MGAT4C: variants seen among roughly 807,000 people sequenced by gnomAD.
The protein encoded by MGAT4C is MGAT4 family member C.
A neutral mutation model predicts 40.1 loss-of-function variants in MGAT4C; 19 were observed. That is an observed-to-expected ratio of 0.47 (90% CI 0.33 to 0.70). MGAT4C has a LOEUF of 0.70. Among genes scored for constraint, MGAT4C ranks in the 30% least tolerant of loss-of-function variants. The pLI is 0.02. For missense variants in MGAT4C, 491 were observed against 563.2 expected (o/e 0.87, Z 1.30); for synonymous variants, 181 against 187.1 (o/e 0.97, Z 0.27).
At chr12:86,282,850 C>A (rs1254378448) in intron 4 of MGAT4C, among the ~76,000 whole-genome samples, 1 of 152,014 alleles carries the variant, frequency 6.6e-6, no homozygotes, top group South Asian at 2.1e-4. Flanking sequence ...TTCTATATTG[C>A]ATATCTTTTC....
intron 2 of MGAT4C, among the ~76,000 whole-genome samples, chr12:86,034,081 C>T (rs1002782236): frequency 1.3e-5 from 2 of 149,680 alleles, no homozygotes. Context: ...GTTGAACCAG[C>T]CTTGCATCCC....
intron 1 of MGAT4C, among the ~76,000 whole-genome samples, chr12:86,132,810 A>G (rs980868401): frequency 1.8e-4 from 27 of 151,672 alleles, no homozygotes; most frequent in African/African-American, 2.2e-4. Context: ...AAAAAAAAAA[A>G]AAAGAAAAAA....
rs375817716 is a variant in MGAT4C at position 86,824,616 on chromosome 12, T to C, written c.-262+14050A>G. ...GACTTGAATCTGCATCTTGAAAAGA[T>C]GGTGTCATGTCCCAGAGGAAAAAAA... On this transcript the variant is annotated intron_variant, in intron 1 of 7. Transcript: ENST00000548651. Among the ~76,000 whole-genome samples the C allele has an allele frequency of 7.3e-5, 11 of 150,822 alleles. No homozygotes were observed. In the East Asian group the frequency reaches 1.6e-3, roughly 22 times the overall value.
intron 1 of MGAT4C, among the ~76,000 whole-genome samples, chr12:86,132,559 C>T (rs1881349555): frequency 6.6e-6 from 1 of 151,974 alleles, no homozygotes; most frequent in African/African-American, 2.4e-5. Context: ...TTTGGGATGC[C>T]AAGGAGGGCA....
chr12:86,176,860 A>T (rs946831597), intron 1 of MGAT4C, among the ~76,000 whole-genome samples: 1 of 147,900 alleles, frequency 6.8e-6, no homozygotes, highest in African/African-American at 2.5e-5. Context: ...GTAAGAAGAG[A>T]TCATATTTCT....
At chr12:86,663,117 C>G (rs1052477762) in intron 2 of MGAT4C, among the ~76,000 whole-genome samples, 2 of 151,910 alleles carry the variant, frequency 1.3e-5, no homozygotes, top group Non-Finnish European at 2.9e-5. Context: ...AATCTCAGCA[C>G]TTTGAAAGAA....
At chr12:86,766,515 G>A (rs1251858439) in intron 1 of MGAT4C, among the ~76,000 whole-genome samples, 2 of 151,988 alleles carry the variant, frequency 1.3e-5, no homozygotes, top group Non-Finnish European at 2.9e-5. Flanking sequence ...GCACCAAGCA[G>A]ACCTAATAGA....
intron 2 of MGAT4C, among the ~76,000 whole-genome samples, chr12:86,494,632 A>G (rs1012922413): frequency 6.6e-6 from 1 of 151,988 alleles, no homozygotes; most frequent in East Asian, 1.9e-4. Flanking sequence ...TAAAAAAAAA[A>G]CGTGCTTTAA....
chr12:86,635,741 A>T (rs1261228258), intron 2 of MGAT4C, among the ~76,000 whole-genome samples: 1 of 151,496 alleles, frequency 6.6e-6, no homozygotes, highest in Non-Finnish European at 1.5e-5. Flanking sequence ...CGGTGGTGCA[A>T]TCATAGCTCA....
At chr12:86,631,285 C>A (rs954530308) in intron 2 of MGAT4C, among the ~76,000 whole-genome samples, 1 of 152,162 alleles carries the variant, frequency 6.6e-6, no homozygotes, top group Non-Finnish European at 1.5e-5. Flanking sequence ...ACATTCCATG[C>A]TCATGGATAG....
chr12:86,499,063 T>C (rs1048321898), intron 2 of MGAT4C, among the ~76,000 whole-genome samples: 4 of 151,954 alleles, frequency 2.6e-5, no homozygotes, highest in African/African-American at 7.2e-5. Flanking sequence ...TATAATTTTA[T>C]TAGAAATGTT....
chr12:86,247,519 A>C (rs1952086423), intron 1 of MGAT4C, among the ~76,000 whole-genome samples: 1 of 152,342 alleles, frequency 6.6e-6, no homozygotes, highest in East Asian at 1.9e-4. Flanking sequence ...TACAATGGAA[A>C]CTTTTGAAAG....
intron 4 of MGAT4C, among the ~76,000 whole-genome samples, chr12:86,300,832 C>G (rs1176359476): frequency 6.6e-6 from 1 of 151,940 alleles, no homozygotes; most frequent in African/African-American, 2.4e-5. Flanking sequence ...CAAATGGGAG[C>G]TACTGAGAGA....
At chr12:86,380,922 AG>A (rs1385077665) in intron 3 of MGAT4C, among the ~76,000 whole-genome samples, 1 of 152,184 alleles carries the variant, frequency 6.6e-6, no homozygotes, top group Non-Finnish European at 1.5e-5. Flanking sequence ...CTCTTTTGAA[AG>A]GGAATTTCTT....
chr12:86,581,114 T>G (rs1228805567), intron 2 of MGAT4C, among the ~76,000 whole-genome samples: 1 of 151,446 alleles, frequency 6.6e-6, no homozygotes, highest in Admixed American at 6.6e-5. Flanking sequence ...GTTTTTCCAG[T>G]GTAATGCTTA....
chr12:86,504,040 G>T (rs1036530890), intron 2 of MGAT4C, among the ~76,000 whole-genome samples: 1 of 151,452 alleles, frequency 6.6e-6, no homozygotes, highest in Non-Finnish European at 1.5e-5. Flanking sequence ...TTAAAATGTA[G>T]GCTACCAAAT....
rs924901238 is a variant in MGAT4C, at chr12:86,028,117, G to A, written c.-7+21557C>T. 3 of 1,286,870 alleles carry A rather than the reference G, an allele frequency of 2.3e-6. No individual in the cohort carries two copies. The African/African-American group carries it at 4.6e-5, about 20-fold the overall frequency. The allele number at this position is 1,286,870 out of a possible 1,614,324, so 79.7% of individuals were successfully genotyped here. A position where few individuals can be genotyped will look rare whatever the true frequency, so the allele number is the denominator to read the frequency against. Reference sequence around the variant, plus strand: ...TCTAAATAATACCTTGCATCTTCTGGATCCCTTTGCCACACTCCTCTGCAC... The same window carrying A: ...TCTAAATAATACCTTGCATCTTCTGAATCCCTTTGCCACACTCCTCTGCAC... On this transcript the variant is annotated intron_variant, in intron 2 of 4. Coordinates refer to ENST00000611864, the MANE Select transcript of MGAT4C (RefSeq NM_001351288.2).
chr12:86,074,175 T>G (rs1869183803), intron 1 of MGAT4C, among the ~76,000 whole-genome samples: 1 of 152,092 alleles, frequency 6.6e-6, no homozygotes, highest in African/African-American at 2.4e-5. Flanking sequence ...AAGAAGTGCC[T>G]TTCACTTCCC....
intron 2 of MGAT4C, among the ~76,000 whole-genome samples, chr12:86,699,170 G>T (rs1950312335): frequency 6.6e-6 from 1 of 151,872 alleles, no homozygotes. Flanking sequence ...ACATCCAAGG[G>T]ACTTATTTAA....
Sources: gnomAD v4.1 joint callset for allele counts (sites outside exome capture counted in the v4.1 genomes callset) on GRCh38, gnomAD v4.1.1 for gene constraint, MANE v1.5 for transcripts, NCBI Gene and HGNC (gene_info 2026-07-23, HGNC 2026-07-21) for gene names.